The following ZFHX3 variants were observed in gnomAD, a reference collection of about 807,000 sequenced individuals.
ZFHX3 encodes the protein zinc finger homeobox protein 3.
A neutral mutation model predicts 279.1 loss-of-function variants in ZFHX3; 42 were observed. That is an observed-to-expected ratio of 0.15 (90% confidence interval 0.12 to 0.19). The LOEUF (loss-of-function observed/expected upper bound fraction) is 0.19, where lower values mean the gene tolerates loss of function less well. ZFHX3 is among the 10% of genes least tolerant of loss of function. ZFHX3 has a pLI of 1.00. For missense variants in ZFHX3, 4,981 were observed against 4,754.0 expected (o/e 1.05, Z -1.40); for synonymous variants, 2,293 against 1,957.8 (o/e 1.17, Z -4.52).
intron 5 of ZFHX3, among the ~76,000 whole-genome samples, chr16:73,180,519 T>C (rs533963320): frequency 9.9e-5 from 15 of 152,280 alleles, no homozygotes; most frequent in Admixed American, 5.2e-4. Context: ...GTTCAAGAAT[T>C]GCATGTGTAG....
At chr16:73,319,186 T>C (rs2015520598) in intron 3 of ZFHX3, among the ~76,000 whole-genome samples, 1 of 151,590 alleles carries the variant, frequency 6.6e-6, no homozygotes, top group Admixed American at 6.6e-5. Context: ...GGGAATCAAA[T>C]AGGAAAAGAT....
At chr16:73,745,126 G>T (rs2053692189) in intron 1 of ZFHX3, among the ~76,000 whole-genome samples, 2 of 152,068 alleles carry the variant, frequency 1.3e-5, no homozygotes, top group African/African-American at 2.4e-5. Flanking sequence ...TTATAGGAAG[G>T]GTGGAATATT....
intron 3 of ZFHX3, among the ~76,000 whole-genome samples, chr16:72,905,213 T>C (rs1461134152): frequency 6.6e-6 from 1 of 152,186 alleles, no homozygotes; most frequent in African/African-American, 2.4e-5. Context: ...GATGGGAGGT[T>C]GGGGGCTGAA....
At chr16:73,089,413 C>T (rs921857902) in intron 8 of ZFHX3, among the ~76,000 whole-genome samples, 1 of 152,084 alleles carries the variant, frequency 6.6e-6, no homozygotes, top group Non-Finnish European at 1.5e-5. Flanking sequence ...TAATGTTATA[C>T]CTTTAGATTG....
intron 2 of ZFHX3, among the ~76,000 whole-genome samples, chr16:73,644,436 G>C (rs889588973): frequency 6.6e-6 from 1 of 152,042 alleles, no homozygotes; most frequent in East Asian, 1.9e-4. Flanking sequence ...GAGGGGGGCA[G>C]ATTACCTGAG....
rs116378527 is a variant in ZFHX3, at chr16:73,741,350, G to A, written c.-1607-61110C>T. On this transcript the variant is annotated intron_variant, in intron 1 of 17. Transcript: ENST00000641206. ...GTGCCAATTAGGGAAATGCTAAGAC[G>A]TGAAGTCTCTTGAGTCTCTGAATCC... 3.9e-3 allele frequency among the ~76,000 whole-genome samples: 590 copies of A among 152,250 alleles called. 5 individuals are homozygous for A. The highest frequency in any genetic ancestry group is 0.013 in the African/African-American group (535 of 41,538).
At chr16:73,143,429 T>C (rs1966852740) in intron 6 of ZFHX3, among the ~76,000 whole-genome samples, 1 of 152,170 alleles carries the variant, frequency 6.6e-6, no homozygotes, top group South Asian at 2.1e-4. Context: ...TCTTCTTCCT[T>C]CACCCGGACA....
At chr16:73,392,708 CG>C (rs2017043729) in intron 3 of ZFHX3, among the ~76,000 whole-genome samples, 2 of 152,198 alleles carry the variant, frequency 1.3e-5, no homozygotes. Flanking sequence ...GATTTCACCA[CG>C]AGTTCCTCTG....
chr16:72,901,943 CG>C (rs1249261913), intron 3 of ZFHX3, among the ~76,000 whole-genome samples: 1 of 152,134 alleles, frequency 6.6e-6, no homozygotes, highest in African/African-American at 2.4e-5. Context: ...CATTAAAAGC[CG>C]ATATTGTTCC....
Position 73,330,412 on chromosome 16 carries a change from T to G in ZFHX3, c.-1290-12076A>C, listed in dbSNP as rs2015779201. On this transcript the variant is annotated intron_variant, in intron 3 of 17. Coordinates refer to the ZFHX3 transcript ENST00000641206. Reference sequence around the variant, plus strand: ...CGTGTGGTTTAGGGTAGTTTCAGATTGTGTTAGAGGATCATGCAAAGTGAA... The same window carrying G: ...CGTGTGGTTTAGGGTAGTTTCAGATGGTGTTAGAGGATCATGCAAAGTGAA... 2.0e-5 allele frequency among the ~76,000 whole-genome samples: 3 copies of G among 152,180 alleles called. No individual in the cohort carries two copies. In the South Asian group the frequency reaches 6.2e-4, roughly 32 times the overall value.
intron 5 of ZFHX3, among the ~76,000 whole-genome samples, chr16:73,145,737 G>T (rs919101649): frequency 6.6e-6 from 1 of 152,242 alleles, no homozygotes; most frequent in Non-Finnish European, 1.5e-5. Flanking sequence ...AGGTGATACC[G>T]TCACTGACTT....
At chr16:73,823,143 T>C (rs923391168) in intron 1 of ZFHX3, among the ~76,000 whole-genome samples, 2 of 152,162 alleles carry the variant, frequency 1.3e-5, no homozygotes, top group African/African-American at 4.8e-5. Flanking sequence ...ACGACGTATA[T>C]GAAGCTTTCA....
chr16:73,660,371 G>A (rs1376444250), intron 2 of ZFHX3, among the ~76,000 whole-genome samples: 2 of 152,082 alleles, frequency 1.3e-5, no homozygotes, highest in African/African-American at 2.4e-5. Flanking sequence ...CTGCAAAACT[G>A]GACACATTTA....
intron 2 of ZFHX3, among the ~76,000 whole-genome samples, chr16:73,596,799 A>G (rs2052055349): frequency 6.6e-6 from 1 of 152,194 alleles, no homozygotes; most frequent in Non-Finnish European, 1.5e-5. Flanking sequence ...ATAACTCACT[A>G]TGCTATTTCA....
intron 6 of ZFHX3, among the ~76,000 whole-genome samples, chr16:73,136,190 G>T (rs1397839302): frequency 6.6e-6 from 1 of 152,102 alleles, no homozygotes; most frequent in African/African-American, 2.4e-5. Flanking sequence ...TTGCCACCTT[G>T]AGTATCAATT....
chr16:73,271,905 G>T (rs1295229867), intron 4 of ZFHX3, among the ~76,000 whole-genome samples: 1 of 152,184 alleles, frequency 6.6e-6, no homozygotes, highest in Non-Finnish European at 1.5e-5. Flanking sequence ...AGAGGGGAGA[G>T]ACAAGGTTTT....
intron 3 of ZFHX3, among the ~76,000 whole-genome samples, chr16:72,940,968 G>A (rs1960383833): frequency 6.6e-6 from 1 of 152,226 alleles, no homozygotes; most frequent in Non-Finnish European, 1.5e-5. Context: ...TAGGCACACA[G>A]GGTCTCCCAC....
chr16:73,360,408 G>T (rs1013660978), intron 3 of ZFHX3, among the ~76,000 whole-genome samples: 1 of 152,162 alleles, frequency 6.6e-6, no homozygotes, highest in African/African-American at 2.4e-5. Context: ...GTGCAATCTG[G>T]GCTCACCACA....
At chr16:73,773,081 T>G (rs2054037733) in intron 1 of ZFHX3, among the ~76,000 whole-genome samples, 1 of 152,222 alleles carries the variant, frequency 6.6e-6, no homozygotes, top group Admixed American at 6.5e-5. Context: ...CTACTCAAAG[T>G]TAATGAAATT....
Sources: gnomAD v4.1 joint callset for allele counts (sites outside exome capture counted in the v4.1 genomes callset) on GRCh38, gnomAD v4.1.1 for gene constraint, MANE v1.5 for transcripts, NCBI Gene and HGNC (gene_info 2026-07-23, HGNC 2026-07-21) for gene names.